RBM47: variants seen among roughly 807,000 people sequenced by gnomAD.
RBM47 encodes RNA-binding protein 47.
In RBM47, 21 loss-of-function variants were observed where a neutral mutation model predicts 47.1. The observed-to-expected ratio is 0.45, with a 90% CI of 0.32 to 0.64. RBM47 has a LOEUF of 0.64. RBM47 is among the 30% of genes least tolerant of loss of function. The pLI, the probability that RBM47 is intolerant of heterozygous loss-of-function variation, is 0.05. For synonymous variants in RBM47, 375 were observed against 361.7 expected, an observed-to-expected ratio of 1.04 and a Z score of -0.42; for missense variants, 708 against 870.9, an observed-to-expected ratio of 0.81 and a Z score of 2.35.
intron 3 of RBM47, among the ~76,000 whole-genome samples, chr4:40,464,768 G>A (rs1717717923): frequency 1.3e-5 from 2 of 151,548 alleles, no homozygotes; most frequent in East Asian, 1.9e-4. Flanking sequence ...GCAGGCACCT[G>A]TAGTCCCAGC....
chr4:40,475,583 A>G (rs1054906550), intron 2 of RBM47: 1 of 152,208 alleles, frequency 6.6e-6, no homozygotes, highest in Non-Finnish European at 1.5e-5. Context: ...GTCTTCAATT[A>G]AAAAACAAAC....
chr4:40,574,172 G>A lies in RBM47; in HGVS notation c.-239-29666C>T, dbSNP rs141802921. Among the ~76,000 whole-genome samples, 184 of 152,246 alleles carry A rather than the reference G, an allele frequency of 1.2e-3. 1 individual carries two copies. The highest frequency in any genetic ancestry group is 4.1e-3 in the African/African-American group (172 of 41,544). ...AGTTGTTGTGGGTTATTAGACTTCC[G>A]AGATCTAAATATTCTCCCAGAGTGT... On this transcript the variant is annotated intron_variant, in intron 1 of 6. Transcript: ENST00000295971.
intron 3 of RBM47, among the ~76,000 whole-genome samples, chr4:40,456,307 T>G (rs1278581751): frequency 6.6e-6 from 1 of 152,204 alleles, no homozygotes; most frequent in Non-Finnish European, 1.5e-5. Context: ...AGAAAAACTT[T>G]ATGTGCCAGA....
chr4:40,445,321 T>G (rs1056088898), intron 3 of RBM47, among the ~76,000 whole-genome samples: 6 of 150,640 alleles, frequency 4.0e-5, no homozygotes, highest in South Asian at 2.1e-4. Flanking sequence ...CCTTTCCCCC[T>G]CTTCCAAGCT....
At chr4:40,497,633 T>G (rs1722789153) in intron 2 of RBM47, among the ~76,000 whole-genome samples, 1 of 151,474 alleles carries the variant, frequency 6.6e-6, no homozygotes, top group African/African-American at 2.4e-5. Context: ...AATAAATAAA[T>G]AAAAATAAAA....
intron 2 of RBM47, among the ~76,000 whole-genome samples, chr4:40,500,399 T>A (rs901651457): frequency 6.6e-6 from 1 of 151,710 alleles, no homozygotes; most frequent in Non-Finnish European, 1.5e-5. Flanking sequence ...AATGCTTGAA[T>A]CCAGGAGTCG....
intron 3 of RBM47, among the ~76,000 whole-genome samples, chr4:40,445,057 A>G (rs575274992): frequency 3.9e-5 from 6 of 152,002 alleles, no homozygotes; most frequent in Non-Finnish European, 8.8e-5. Flanking sequence ...GGCGGATCAC[A>G]AGGTCAGGAG....
chr4:40,593,705 C>T (rs1447203378), intron 1 of RBM47, among the ~76,000 whole-genome samples: 2 of 151,978 alleles, frequency 1.3e-5, no homozygotes, highest in African/African-American at 4.8e-5. Flanking sequence ...ACGGTGAAAC[C>T]CCGTCTCTAC....
rs1160236799 is a variant in RBM47 at position 40,539,569 on chromosome 4, G to A, written c.-155+4853C>T. Among the ~76,000 whole-genome samples the A allele has an allele frequency of 4.0e-5, 6 of 151,548 alleles. No individual in the cohort carries two copies. In the South Asian group the frequency reaches 1.0e-3, roughly 26 times the overall value. ...CAGCCTGGCCAACATGGTGAAACAC[G>A]TCTCTACTAAAAATACAAAAATTAG... On this transcript the variant is annotated intron_variant, in intron 2 of 6. Coordinates refer to ENST00000295971, the MANE Select transcript of RBM47 (RefSeq NM_001098634.2).
At chr4:40,514,904 A>C (rs1725389406) in intron 2 of RBM47, 1 of 151,124 alleles carries the variant, frequency 6.6e-6, no homozygotes, top group Non-Finnish European at 1.5e-5. Flanking sequence ...TCCTCAAACA[A>C]GTCTTGGCTT....
At chr4:40,517,594 C>A (rs182447464) in intron 2 of RBM47, among the ~76,000 whole-genome samples, 1 of 152,184 alleles carries the variant, frequency 6.6e-6, no homozygotes, top group Non-Finnish European at 1.5e-5. Flanking sequence ...ATATATTCTA[C>A]GTACAGTCAG....
At chr4:40,560,751 G>C (rs1730531391) in intron 1 of RBM47, among the ~76,000 whole-genome samples, 1 of 152,148 alleles carries the variant, frequency 6.6e-6, no homozygotes. Flanking sequence ...TGGATTACGA[G>C]GTCAGGAGTT....
chr4:40,500,785 A>T (rs1309854260), intron 2 of RBM47, among the ~76,000 whole-genome samples: 1 of 152,206 alleles, frequency 6.6e-6, no homozygotes, highest in Non-Finnish European at 1.5e-5. Context: ...ATAATTTAGC[A>T]ACTTTTCTTA....
At chr4:40,600,985 C>CAA (rs56054491) in intron 1 of RBM47, among the ~76,000 whole-genome samples, 547 of 50,106 alleles carry the variant, frequency 0.011, 33 homozygotes, top group Middle Eastern at 0.038. Flanking sequence ...AACTCCGTCT[C>CAA]AAAAAAAAAA....
intron 3 of RBM47, among the ~76,000 whole-genome samples, chr4:40,439,608 G>A (rs1713312307): frequency 6.6e-6 from 1 of 152,226 alleles, no homozygotes; most frequent in South Asian, 2.1e-4. Flanking sequence ...TGAAGAGCTA[G>A]ACTGACTTCA....
intron 2 of RBM47, among the ~76,000 whole-genome samples, chr4:40,513,687 T>G (rs1367227800): frequency 6.6e-6 from 1 of 152,030 alleles, no homozygotes; most frequent in African/African-American, 2.4e-5. Context: ...AACACAGAGT[T>G]GAGGATAAGA....
intron 1 of RBM47, among the ~76,000 whole-genome samples, chr4:40,588,507 C>T (rs1005912117): frequency 5.3e-5 from 8 of 152,126 alleles, no homozygotes; most frequent in Admixed American, 2.6e-4. Context: ...CTTGAAAACA[C>T]GAAATTATGG....
At chr4:40,545,048 C>CTTTTTT (rs532170715) in intron 1 of RBM47, among the ~76,000 whole-genome samples, 12 of 114,258 alleles carry the variant, frequency 1.1e-4, no homozygotes. Flanking sequence ...GAGTGAGATC[C>CTTTTTT]TTTTTTTTTT....
At chr4:40,537,539 A>G (rs1728104942) in intron 2 of RBM47, among the ~76,000 whole-genome samples, 1 of 145,796 alleles carries the variant, frequency 6.9e-6, no homozygotes, top group African/African-American at 2.7e-5. Flanking sequence ...GGCGTGAGCC[A>G]CCATACCTGG....
Sources: allele counts gnomAD v4.1 joint callset (sites outside exome capture counted in the v4.1 genomes callset), GRCh38; gene constraint gnomAD v4.1.1; transcripts MANE v1.5; gene names NCBI Gene and HGNC (gene_info 2026-07-23, HGNC 2026-07-21).